Variants in ANKS1B observed in about 807,000 individuals in gnomAD.
ANKS1B encodes ankyrin repeat and sterile alpha motif domain-containing protein 1B.
Under a neutral mutation model 148.3 loss-of-function variants are expected in ANKS1B, and 36 were observed. The ratio of observed to expected loss-of-function variants is 0.24; its 90% confidence interval spans 0.19 to 0.32. The LOEUF is 0.32. ANKS1B is among the 10% of genes least tolerant of loss of function. ANKS1B has a pLI of 1.00. For synonymous variants in ANKS1B, 542 were observed against 560.8 expected (o/e 0.97, Z 0.47); for missense variants, 1,157 against 1,542.6 (o/e 0.75, Z 4.19).
intron 8 of ANKS1B, among the ~76,000 whole-genome samples, chr12:99,756,737 C>T (rs2061605698): frequency 6.6e-6 from 1 of 151,946 alleles, no homozygotes; most frequent in Non-Finnish European, 1.5e-5. Context: ...ATACACAGAC[C>T]AATGGAACAG....
chr12:99,260,983 C>G (rs2075867626), intron 12 of ANKS1B, among the ~76,000 whole-genome samples: 1 of 152,122 alleles, frequency 6.6e-6, no homozygotes, highest in Non-Finnish European at 1.5e-5. Flanking sequence ...ATGTAATTTT[C>G]CATGCATAGG....
At chr12:99,596,553 T>C (rs1344435434) in intron 9 of ANKS1B, among the ~76,000 whole-genome samples, 2 of 151,914 alleles carry the variant, frequency 1.3e-5, no homozygotes, top group African/African-American at 4.8e-5. Context: ...TGACCTAGTA[T>C]GGGGGTAGGT....
chr12:99,132,626 G>C (rs1456284068), intron 15 of ANKS1B, among the ~76,000 whole-genome samples: 1 of 152,176 alleles, frequency 6.6e-6, no homozygotes, highest in Non-Finnish European at 1.5e-5. Flanking sequence ...AGGGGGGCTT[G>C]AGAGTTTAAC....
intron 19 of ANKS1B, among the ~76,000 whole-genome samples, chr12:98,823,534 G>C (rs926644381): frequency 2.6e-5 from 4 of 152,246 alleles, no homozygotes; most frequent in African/African-American, 9.6e-5. Flanking sequence ...CTGTCACTCA[G>C]GCTGGAGTGC....
At chr12:98,776,920 G>A (rs2098683221) in intron 24 of ANKS1B, among the ~76,000 whole-genome samples, 1 of 152,220 alleles carries the variant, frequency 6.6e-6, no homozygotes, top group Non-Finnish European at 1.5e-5. Context: ...GCCCACTGCA[G>A]TGACTCATGT....
At chr12:98,978,566 TTAAAA>T (rs2099902141) in intron 17 of ANKS1B, among the ~76,000 whole-genome samples, 1 of 152,150 alleles carries the variant, frequency 6.6e-6, no homozygotes, top group Non-Finnish European at 1.5e-5. Flanking sequence ...CACATAAAAC[TTAAAA>T]TAAATTTCTA....
At chr12:99,153,624 T>A (rs1267072619) in intron 15 of ANKS1B, among the ~76,000 whole-genome samples, 2 of 152,188 alleles carry the variant, frequency 1.3e-5, no homozygotes, top group Non-Finnish European at 2.9e-5. Flanking sequence ...AATTCAGAAG[T>A]ACATGACTAT....
intron 17 of ANKS1B, among the ~76,000 whole-genome samples, chr12:98,858,125 C>T (rs1482712929): frequency 1.3e-5 from 2 of 152,180 alleles, no homozygotes; most frequent in East Asian, 1.9e-4. Flanking sequence ...CCTCCGCCCC[C>T]ATCCCCAGGG....
chr12:99,602,684 C>A (rs184480688), intron 9 of ANKS1B, among the ~76,000 whole-genome samples: 97 of 152,212 alleles, frequency 6.4e-4, no homozygotes, highest in Non-Finnish European at 1.3e-3. Flanking sequence ...TACATCAAGT[C>A]ATCAAGCTTT....
At chr12:99,820,927 G>T (rs1327575529) in intron 2 of ANKS1B, among the ~76,000 whole-genome samples, 2 of 151,906 alleles carry the variant, frequency 1.3e-5, no homozygotes, top group African/African-American at 4.8e-5. Context: ...TTAACTAAAT[G>T]GGCATTGTTT....
chr12:98,758,277 G>T (rs1170272799), intron 25 of ANKS1B, among the ~76,000 whole-genome samples: 1 of 152,122 alleles, frequency 6.6e-6, no homozygotes, highest in Non-Finnish European at 1.5e-5. Context: ...TGCTCATGAA[G>T]TCAGCACCCA....
At chr12:98,783,698 A>G (rs1327680355) in intron 22 of ANKS1B, among the ~76,000 whole-genome samples, 1 of 152,134 alleles carries the variant, frequency 6.6e-6, no homozygotes, top group Non-Finnish European at 1.5e-5. Flanking sequence ...GAGGCCTAGA[A>G]ATGAGAATGT....
chr12:99,629,999 A>T (rs1199312340), intron 9 of ANKS1B, among the ~76,000 whole-genome samples: 5 of 152,142 alleles, frequency 3.3e-5, no homozygotes, highest in Admixed American at 6.6e-5. Context: ...TCTATTTTTT[A>T]AAAAATCCTA....
intron 10 of ANKS1B, among the ~76,000 whole-genome samples, chr12:99,448,628 T>C (rs563173076): frequency 4.6e-5 from 7 of 152,260 alleles, no homozygotes; most frequent in Non-Finnish European, 1.0e-4. Context: ...CAGTTCAATT[T>C]AGCTATTCCA....
intron 14 of ANKS1B, among the ~76,000 whole-genome samples, chr12:99,194,816 T>G (rs1190439672): frequency 6.6e-6 from 1 of 152,152 alleles, no homozygotes; most frequent in African/African-American, 2.4e-5. Context: ...TTCTTAGACT[T>G]TCTTCAAAAT....
intron 9 of ANKS1B, among the ~76,000 whole-genome samples, chr12:99,554,526 G>A (rs1015144467): frequency 3.3e-5 from 5 of 152,104 alleles, no homozygotes; most frequent in African/African-American, 9.7e-5. Context: ...TCCCAAAGCA[G>A]TATTTCCCTG....
chr12:98,930,813 T>C (rs1469210251), intron 17 of ANKS1B, among the ~76,000 whole-genome samples: 2 of 152,086 alleles, frequency 1.3e-5, no homozygotes, highest in Non-Finnish European at 2.9e-5. Context: ...GTTAAGACAG[T>C]TGTGATGGTC....
rs189378402 is a variant in ANKS1B, at chr12:99,326,289, G to T, written c.1756+73342C>A. ...CATTTTCCTTGTTGACTTTCTGGAGGGTCAAAAAATGACATTATCTGCTTA... is the reference window on the plus strand; with the variant it reads ...CATTTTCCTTGTTGACTTTCTGGAGTGTCAAAAAATGACATTATCTGCTTA... On this transcript the variant is annotated intron_variant, in intron 12 of 26. Coordinates refer to ENST00000683438, the MANE Select transcript of ANKS1B (RefSeq NM_001352186.2). Among the ~76,000 whole-genome samples, 121 of 152,002 alleles carry T rather than the reference G, an allele frequency of 8.0e-4. 1 individual carries two copies. The highest frequency in any genetic ancestry group is 2.8e-3 in the African/African-American group (118 of 41,492).
At chr12:98,918,045 G>A (rs1159220076) in intron 17 of ANKS1B, among the ~76,000 whole-genome samples, 1 of 152,202 alleles carries the variant, frequency 6.6e-6, no homozygotes, top group Non-Finnish European at 1.5e-5. Context: ...AGTTTGATAT[G>A]AGTATACACA....
Sources: gnomAD v4.1 joint callset for allele counts (sites outside exome capture counted in the v4.1 genomes callset) on GRCh38, gnomAD v4.1.1 for gene constraint, MANE v1.5 for transcripts, NCBI Gene and HGNC (gene_info 2026-07-23, HGNC 2026-07-21) for gene names.